Variants in FGF14 observed in about 807,000 individuals in gnomAD.
FGF14 encodes fibroblast growth factor 14.
FGF14 carries 5 observed loss-of-function variants against 25.5 expected under a neutral mutation model. That is an observed-to-expected ratio of 0.20 (90% CI 0.10 to 0.41). The LOEUF is 0.41. Among genes scored for constraint, FGF14 ranks in the 10% least tolerant of loss-of-function variants. The pLI, the probability that FGF14 is intolerant of heterozygous loss-of-function variation, is 1.00. For synonymous variants in FGF14, 138 were observed against 118.3 expected, an observed-to-expected ratio of 1.17 and a Z score of -1.08; for missense variants, 222 against 320.1, an observed-to-expected ratio of 0.69 and a Z score of 2.34.
At chr13:101,958,383 C>T (rs1428840196) in intron 1 of FGF14, among the ~76,000 whole-genome samples, 1 of 152,224 alleles carries the variant, frequency 6.6e-6, no homozygotes, top group Non-Finnish European at 1.5e-5. Flanking sequence ...CATTTCATCA[C>T]TCCTTTACTT....
chr13:102,158,080 A>G (rs1039911633), intron 1 of FGF14, among the ~76,000 whole-genome samples: 1 of 152,220 alleles, frequency 6.6e-6, no homozygotes, highest in Non-Finnish European at 1.5e-5. Flanking sequence ...GTGGGACTGT[A>G]AACTAGTTCA....
chr13:102,324,306 AGACT>A (rs1464447456), intron 1 of FGF14, among the ~76,000 whole-genome samples: 1 of 152,172 alleles, frequency 6.6e-6, no homozygotes, highest in Non-Finnish European at 1.5e-5. Context: ...CTCTAGGGTT[AGACT>A]GACTGGGTTC....
Position 101,715,447 on chromosome 13 carries a change from A to G in FGF14, c.*7384T>C. ...TAATAACATCATTGCACAATAAGAAAATCTACCAAGGATGAATGAAATGAT... is the reference window on the plus strand; with the variant it reads ...TAATAACATCATTGCACAATAAGAAGATCTACCAAGGATGAATGAAATGAT... On this transcript the variant is annotated 3_prime_UTR_variant, in exon 5 of 5. Coordinates refer to ENST00000376143, the MANE Select transcript of FGF14 (RefSeq NM_004115.4). 1 of 777,348 alleles carries G rather than the reference A, an allele frequency of 1.3e-6. No homozygotes were observed. The highest frequency in any genetic ancestry group is 2.3e-6 in the Non-Finnish European group (1 of 442,680). The allele number at this position is 777,348 out of a possible 1,614,324, so 48.2% of individuals were successfully genotyped here.
chr13:102,314,274 T>G (rs2055913253), intron 1 of FGF14, among the ~76,000 whole-genome samples: 1 of 152,220 alleles, frequency 6.6e-6, no homozygotes, highest in Non-Finnish European at 1.5e-5. Context: ...TGTATCATCA[T>G]GTTTTATTCA....
At chr13:101,924,262 T>C (rs2034209734) in intron 1 of FGF14, among the ~76,000 whole-genome samples, 1 of 152,266 alleles carries the variant, frequency 6.6e-6, no homozygotes, top group Admixed American at 6.5e-5. Context: ...TTTTCAATAA[T>C]TTCTAGAATG....
chr13:102,374,640 TA>T (rs1169299178), intron 1 of FGF14, among the ~76,000 whole-genome samples: 4 of 103,512 alleles, frequency 3.9e-5, no homozygotes, highest in Non-Finnish European at 5.7e-5. Flanking sequence ...ATATCTTACA[TA>T]TTTTATATAT....
At chr13:101,996,189 GAAAGGGAAAGCTTT>G (rs2039174719) in intron 1 of FGF14, among the ~76,000 whole-genome samples, 1 of 152,050 alleles carries the variant, frequency 6.6e-6, no homozygotes, top group African/African-American at 2.4e-5. Flanking sequence ...ATTAAAACAA[GAAAGGGAAAGCTTT>G]TTGTGTTTTG....
chr13:102,358,112 AAATT>A, intron 1 of FGF14, among the ~76,000 whole-genome samples: 2 of 152,322 alleles, frequency 1.3e-5, no homozygotes, highest in Non-Finnish European at 2.9e-5. Flanking sequence ...CTTTATATTA[AAATT>A]ATTTACCTTT....
intron 1 of FGF14, among the ~76,000 whole-genome samples, chr13:102,339,254 TA>T (rs1017066408): frequency 1.3e-5 from 2 of 151,146 alleles, no homozygotes; most frequent in Non-Finnish European, 2.9e-5. Flanking sequence ...ATGTAAAAAT[TA>T]AAAAAGATAG....
chr13:101,948,702 A>G (rs1804197549), intron 1 of FGF14, among the ~76,000 whole-genome samples: 1 of 152,068 alleles, frequency 6.6e-6, no homozygotes, highest in African/African-American at 2.4e-5. Context: ...TGAGTGGTAA[A>G]TAAAAAGGTT....
chr13:102,339,465 T>A (rs1358766177), intron 1 of FGF14, among the ~76,000 whole-genome samples: 1 of 152,100 alleles, frequency 6.6e-6, no homozygotes, highest in East Asian at 1.9e-4. Context: ...AAGATGTAAA[T>A]CTCTAAAATT....
intron 1 of FGF14, among the ~76,000 whole-genome samples, chr13:102,211,933 C>T (rs1484139547): frequency 6.6e-6 from 1 of 152,180 alleles, no homozygotes; most frequent in Admixed American, 6.6e-5. Flanking sequence ...CAATTTTTCT[C>T]GTATCAATCC....
intron 1 of FGF14, among the ~76,000 whole-genome samples, chr13:101,883,005 A>G (rs942985275): frequency 1.3e-5 from 2 of 152,128 alleles, no homozygotes; most frequent in Non-Finnish European, 2.9e-5. Context: ...GGCGGCATTC[A>G]GAGATACGAT....
intron 1 of FGF14, among the ~76,000 whole-genome samples, chr13:102,160,701 C>T (rs1329639601): frequency 6.6e-6 from 1 of 152,026 alleles, no homozygotes; most frequent in Non-Finnish European, 1.5e-5. Flanking sequence ...AGAATATCCT[C>T]AAGATCAGCA....
chr13:101,849,761 C>A (rs1484210525), intron 3 of FGF14, among the ~76,000 whole-genome samples: 1 of 152,030 alleles, frequency 6.6e-6, no homozygotes, highest in Non-Finnish European at 1.5e-5. Flanking sequence ...CCTGATCCTG[C>A]ATTGTTGAGA....
rs572609079 is a variant in FGF14, at chr13:102,191,549, T to C, written c.208+209922A>G. Reference sequence around the variant, plus strand: ...TCACATGATCTCATCTAACCTTATTTATCCACCCGAAAGCCTCATCTCTGA... The same window carrying C: ...TCACATGATCTCATCTAACCTTATTCATCCACCCGAAAGCCTCATCTCTGA... On this transcript the variant is annotated intron_variant, in intron 1 of 4. Coordinates refer to the FGF14 transcript ENST00000376131. Among the ~76,000 whole-genome samples the C allele has an allele frequency of 1.8e-4, 28 of 152,280 alleles. 1 individual carries two copies. Among genetic ancestry groups the C allele is most frequent in the African/African-American group, 6.3e-4 (26 of 41,548 alleles).
intron 1 of FGF14, among the ~76,000 whole-genome samples, chr13:102,305,257 A>G (rs917752241): frequency 4.6e-5 from 7 of 152,168 alleles, no homozygotes; most frequent in Admixed American, 6.5e-5. Flanking sequence ...CAGTATTTCA[A>G]TAAGTTTGTA....
chr13:102,184,330 A>G (rs374711813), intron 1 of FGF14, among the ~76,000 whole-genome samples: 7 of 152,144 alleles, frequency 4.6e-5, no homozygotes, highest in Admixed American at 3.9e-4. Flanking sequence ...CAGTAAAAAG[A>G]AGGAGGAGGA....
At chr13:102,163,508 G>C (rs1253472562) in intron 1 of FGF14, among the ~76,000 whole-genome samples, 1 of 152,098 alleles carries the variant, frequency 6.6e-6, no homozygotes, top group Non-Finnish European at 1.5e-5. Flanking sequence ...CCATGAATAC[G>C]ATGAACTTAA....
Sources: allele counts gnomAD v4.1 joint callset (sites outside exome capture counted in the v4.1 genomes callset), GRCh38; gene constraint gnomAD v4.1.1; transcripts MANE v1.5; gene names NCBI Gene and HGNC (gene_info 2026-07-23, HGNC 2026-07-21).